TSG101: variants seen among roughly 807,000 people sequenced by gnomAD.
TSG101 encodes the protein tumor susceptibility gene 101 protein.
Under a neutral mutation model 48.5 loss-of-function variants are expected in TSG101, and 19 were observed. The ratio of observed to expected loss-of-function variants is 0.39; its 90% CI spans 0.27 to 0.58. The LOEUF (loss-of-function observed/expected upper bound fraction) is 0.58, where lower values mean the gene tolerates loss of function less well. Ranked by LOEUF, TSG101 falls within the 20% of genes least tolerant of loss-of-function variation. The pLI, the probability that TSG101 is intolerant of heterozygous loss-of-function variation, is 0.55. For synonymous variants in TSG101, 174 were observed against 169.4 expected, an observed-to-expected ratio of 1.03 and a Z score of -0.21; for missense variants, 365 against 484.4, an observed-to-expected ratio of 0.75 and a Z score of 2.31.
chr11:18,490,649 T>C, intron 7 of TSG101: 3 of 449,234 alleles, frequency 6.7e-6, no homozygotes, highest in South Asian at 6.3e-5. Flanking sequence ...GAGAACAAGA[T>C]ATTTGTCCAA....
At chr11:18,483,823 G>A (rs758020478) in intron 8 of TSG101, 47 bp downstream of exon 8, 3 of 1,598,430 alleles carry the variant, frequency 1.9e-6, no homozygotes, top group East Asian at 2.2e-5. Flanking sequence ...ACTCTGCCAT[G>A]GCTACAATTC....
chr11:18,526,683 G>T, intron 1 of TSG101, 92 bp downstream of exon 1: 1 of 1,487,482 alleles, frequency 6.7e-7, no homozygotes, highest in Non-Finnish European at 9.0e-7. Flanking sequence ...GGCCCGTCTG[G>T]GAAGCTTGCT....
At chr11:18,501,073 G>A (rs1308966157) in intron 7 of TSG101, among the ~76,000 whole-genome samples, 1 of 152,160 alleles carries the variant, frequency 6.6e-6, no homozygotes, top group Non-Finnish European at 1.5e-5. Context: ...TTCCCAAAGT[G>A]CTGGGATTAC....
chr11:18,510,596 G>A (rs1031948450), intron 4 of TSG101, among the ~76,000 whole-genome samples: 1 of 152,096 alleles, frequency 6.6e-6, no homozygotes, highest in Non-Finnish European at 1.5e-5. Context: ...GGCCAGGGGT[G>A]GTGGCTTACA....
chr11:18,506,761 A>G, intron 6 of TSG101, 96 bp downstream of exon 6: 1 of 952,370 alleles, frequency 1.1e-6, no homozygotes, highest in Non-Finnish European at 1.5e-6. Flanking sequence ...AATTGCAATT[A>G]AATTTATTTT....
intron 1 of TSG101, among the ~76,000 whole-genome samples, chr11:18,523,131 G>A (rs1197939430): frequency 6.6e-6 from 1 of 152,082 alleles, no homozygotes; most frequent in Non-Finnish European, 1.5e-5. Context: ...TGGCCTCAAT[G>A]TGATCCTCTA....
At chr11:18,499,402 A>ATATATATATATATATTT in intron 7 of TSG101, among the ~76,000 whole-genome samples, 1 of 5,450 alleles carries the variant, frequency 1.8e-4, no homozygotes, top group East Asian at 9.1e-3. Flanking sequence ...ATATATATAT[A>ATATATATATATATATTT]TTTTTTTTTT....
intron 6 of TSG101, among the ~76,000 whole-genome samples, chr11:18,505,474 C>T (rs1849954813): frequency 6.6e-6 from 1 of 151,992 alleles, no homozygotes; most frequent in African/African-American, 2.4e-5. Flanking sequence ...AGGCTGGTCT[C>T]CAACTTCTGG....
At chr11:18,495,565 T>C (rs1849762000) in intron 7 of TSG101, among the ~76,000 whole-genome samples, 1 of 152,132 alleles carries the variant, frequency 6.6e-6, no homozygotes, top group African/African-American at 2.4e-5. Context: ...GGATCTTGTA[T>C]GTGAAACTGA....
chr11:18,483,503 A>G (rs1165024459), intron 8 of TSG101, among the ~76,000 whole-genome samples: 1 of 151,738 alleles, frequency 6.6e-6, no homozygotes, highest in East Asian at 1.9e-4. Context: ...AAAAAAAAAA[A>G]AAAAAAAAGG....
At chr11:18,519,456 A>G (rs1379886069) in intron 2 of TSG101, 63 bp downstream of exon 2, 1 of 1,339,560 alleles carries the variant, frequency 7.5e-7, no homozygotes, top group Non-Finnish European at 1.1e-6. Flanking sequence ...AAAAAATTAC[A>G]ATCATTAACA....
chr11:18,491,437 T>C (rs1849700092), intron 7 of TSG101, among the ~76,000 whole-genome samples: 1 of 152,192 alleles, frequency 6.6e-6, no homozygotes, highest in African/African-American at 2.4e-5. Context: ...TCAGGTGAGC[T>C]ACCTTGGTGG....
At position 18,519,661 on chromosome 11, in the gene TSG101, T is replaced by C. The variant is rs1048572943; in HGVS notation, c.43-58A>G. The C allele has an allele frequency of 9.4e-6, 11 of 1,167,966 alleles. No homozygotes were observed. In the African/African-American group the frequency reaches 1.5e-4, roughly 15 times the overall value. 72.4% of individuals were successfully genotyped at this position (1,167,966 alleles called of 1,614,324 possible). A position where few individuals can be genotyped will look rare whatever the true frequency, so the allele number is the denominator to read the frequency against. On this transcript the variant is annotated intron_variant, in intron 1 of 9. Coordinates refer to ENST00000251968, the MANE Select transcript of TSG101 (RefSeq NM_006292.4). Reference sequence around the variant, plus strand: ...AAAACCAATGCATATATTTTACAGCTGGATGAATTTTCTTAAAATCTCTTC... The same window carrying C: ...AAAACCAATGCATATATTTTACAGCCGGATGAATTTTCTTAAAATCTCTTC...
chr11:18,503,031 G>A lies in TSG101; in HGVS notation c.549-454C>T, dbSNP rs146440252. 2.4e-4 allele frequency among the ~76,000 whole-genome samples: 37 copies of A among 151,848 alleles called. No individual in the cohort carries two copies. In the East Asian group the frequency reaches 5.4e-3, roughly 22 times the overall value. Reference sequence around the variant, plus strand: ...TTTTTTTCCTCTTTTGATAACATTCGTACCAAACTCATCTTTAGTTTAAAA... The same window carrying A: ...TTTTTTTCCTCTTTTGATAACATTCATACCAAACTCATCTTTAGTTTAAAA... On this transcript the variant is annotated intron_variant, in intron 6 of 9. Coordinates refer to ENST00000251968, the MANE Select transcript of TSG101 (RefSeq NM_006292.4).
At position 18,480,539 on chromosome 11, in the gene TSG101, A is replaced by G; in HGVS notation, c.*7T>C. The G allele has an allele frequency of 6.2e-7, 1 of 1,611,514 alleles. No homozygotes were observed. The highest frequency in any genetic ancestry group is 1.7e-4 in the Middle Eastern group (1 of 6,052). ...AAGAGCTCAACCTCCAGCTGGTATC[A>G]GAGAAGTCAGTAGAGGTCACTGAGA... is the stretch of plus-strand genomic sequence containing the variant. On this transcript the variant is annotated 3_prime_UTR_variant, in exon 10 of 10. Transcript: ENST00000251968.
chr11:18,483,989 T>A lies in TSG101; in HGVS notation c.724A>T (p.Met242Leu). ...SAVSDKLRWR[M>L]KEEMDRAQAE... ...TGGGCACGATCCATTTCCTCCTTCATCCGCCATCTCAGTTTGTCACTGACC... is the reference window on the plus strand; with the variant it reads ...TGGGCACGATCCATTTCCTCCTTCAACCGCCATCTCAGTTTGTCACTGACC... Residue 242 changes from methionine to leucine, a missense_variant, in exon 8 of 10, where the codon ATG (methionine) becomes TTG (leucine). Physicochemically the swap from Met to Leu is conservative, Grantham distance 15 (BLOSUM62 2). Transcript: ENST00000251968. 2 of 1,614,194 alleles carry A rather than the reference T, an allele frequency of 1.2e-6. No homozygotes were observed. Among genetic ancestry groups the A allele is most frequent in the East Asian group, 2.2e-5 (1 of 44,890 alleles).
At chr11:18,526,636 T>C (rs1395319) in intron 1 of TSG101, 139 bp downstream of exon 1, 2 of 994,786 alleles carry the variant, frequency 2.0e-6, no homozygotes, top group Non-Finnish European at 2.9e-6. Flanking sequence ...CGGGGCGGGG[T>C]TCTGAGGAGG....
chr11:18,516,859 T>G (rs533927840), intron 2 of TSG101, among the ~76,000 whole-genome samples: 1 of 151,870 alleles, frequency 6.6e-6, no homozygotes, highest in African/African-American at 2.4e-5. Context: ...GAGAATTGCT[T>G]GAACCCAGGA....
intron 6 of TSG101, among the ~76,000 whole-genome samples, chr11:18,503,508 G>T (rs545705242): frequency 7.7e-4 from 117 of 152,042 alleles, no homozygotes; most frequent in Non-Finnish European, 1.4e-3. Context: ...GAGTAGCTGG[G>T]ACTATAGGTG....
Sources: allele counts gnomAD v4.1 joint callset (sites outside exome capture counted in the v4.1 genomes callset), GRCh38; gene constraint gnomAD v4.1.1; transcripts MANE v1.5; gene names NCBI Gene and HGNC (gene_info 2026-07-23, HGNC 2026-07-21).